ARHGEF10L: variants seen among roughly 807,000 people sequenced by gnomAD.
The protein encoded by ARHGEF10L is Rho guanine nucleotide exchange factor 10 like.
A neutral mutation model predicts 141.2 loss-of-function variants in ARHGEF10L; 69 were observed. That is an observed-to-expected ratio of 0.49 (90% confidence interval 0.40 to 0.60). The LOEUF (loss-of-function observed/expected upper bound fraction) is 0.60, where lower values mean the gene tolerates loss of function less well. Among genes scored for constraint, ARHGEF10L ranks in the 20% least tolerant of loss-of-function variants. ARHGEF10L has a pLI of 0.00. For synonymous variants in ARHGEF10L, 711 were observed against 718.5 expected (o/e 0.99, Z 0.17); for missense variants, 1,482 against 1,734.3 (o/e 0.85, Z 2.58).
intron 13 of ARHGEF10L, among the ~76,000 whole-genome samples, chr1:17,624,869 A>T (rs2060296696): frequency 3.9e-5 from 6 of 152,114 alleles, no homozygotes. Flanking sequence ...CCTCATTTAT[A>T]AAAGGGTGAG....
intron 1 of ARHGEF10L, among the ~76,000 whole-genome samples, chr1:17,574,021 A>C (rs2078119291): frequency 6.6e-6 from 1 of 152,106 alleles, no homozygotes; most frequent in African/African-American, 2.4e-5. Context: ...TTGAGTGTCC[A>C]TCAGGTCGGT....
rs58498931 is a variant in ARHGEF10L at position 17,551,512 on chromosome 1, A to T, written c.-44+11562A>T. 4.9e-3 allele frequency among the ~76,000 whole-genome samples: 751 copies of T among 152,230 alleles called. 9 individuals carry two copies. The highest frequency in any genetic ancestry group is 0.017 in the African/African-American group (716 of 41,546). On this transcript the variant is annotated intron_variant, in intron 1 of 28. Transcript: ENST00000361221. Reference sequence around the variant, plus strand: ...AGGGTGCTGCTCAGGAGCTCTGTCCATTGTACTAGGGGCTTGTACTTTATC... The same window carrying T: ...AGGGTGCTGCTCAGGAGCTCTGTCCTTTGTACTAGGGGCTTGTACTTTATC...
At chr1:17,622,034 A>T in intron 11 of ARHGEF10L, 93 bp downstream of exon 11, 1 of 1,330,544 alleles carries the variant, frequency 7.5e-7, no homozygotes, top group Non-Finnish European at 1.1e-6. Context: ...GACTGTGGGC[A>T]GTTTTAAGGG....
At chr1:17,629,816 C>T (rs994502803) in intron 15 of ARHGEF10L, among the ~76,000 whole-genome samples, 2 of 152,362 alleles carry the variant, frequency 1.3e-5, no homozygotes, top group Admixed American at 1.3e-4. Flanking sequence ...CTCTCCCCAC[C>T]TTCGGCTCCC....
At chr1:17,583,468 C>A (rs536540694) in intron 2 of ARHGEF10L, among the ~76,000 whole-genome samples, 1 of 152,132 alleles carries the variant, frequency 6.6e-6, no homozygotes, top group East Asian at 1.9e-4. Context: ...TTGGTGAGCA[C>A]GCACCCTGCA....
intron 25 of ARHGEF10L, among the ~76,000 whole-genome samples, chr1:17,657,035 G>A (rs963192009): frequency 3.9e-5 from 6 of 152,138 alleles, no homozygotes; most frequent in Admixed American, 3.3e-4. Flanking sequence ...CCCTTGTTGC[G>A]TGGCCTCCCT....
At chr1:17,665,462 G>A (rs2062915834) in intron 26 of ARHGEF10L, among the ~76,000 whole-genome samples, 1 of 152,134 alleles carries the variant, frequency 6.6e-6, no homozygotes, top group South Asian at 2.1e-4. Context: ...GGGCCTTATG[G>A]ATGAGCTCTG....
At chr1:17,637,770 C>A (rs539904744) in intron 18 of ARHGEF10L, 118 bp from the exon 19 acceptor site, 53 of 838,552 alleles carry the variant, frequency 6.3e-5, no homozygotes, top group Non-Finnish European at 8.7e-5. Flanking sequence ...TCCCAAAGTG[C>A]TGGGATTACA....
At position 17,656,041 on chromosome 1, in the gene ARHGEF10L, A is replaced by G; in HGVS notation, c.2644A>G (p.Thr882Ala). 1 of 1,569,706 alleles carries G rather than the reference A, an allele frequency of 6.4e-7. No individual in the cohort carries two copies. Among genetic ancestry groups the G allele is most frequent in the Non-Finnish European group, 8.6e-7 (1 of 1,156,856 alleles). ...GGCGGAGAGCAGAGACGAGAGCCCG[A>G]CAGTTGCTGACCCCTCGGCCACGGT... ...EEAESRDESP[T>A]VADPSATVHP... Residue 882 changes from threonine to alanine, a missense_variant, in exon 24 of 29, where the codon ACA becomes GCA. Coordinates refer to ENST00000361221, the MANE Select transcript of ARHGEF10L (RefSeq NM_018125.4). This position sits in a 1 kb window ranked among gnomAD's most constrained non-coding sequence, Gnocchi z 4.9.
Position 17,623,070 on chromosome 1 carries a change from C to T in ARHGEF10L, c.1095C>T (p.Arg365=), listed in dbSNP as rs745373575. 2.2e-5 allele frequency: 35 copies of T among 1,614,032 alleles called. No individual in the cohort carries two copies. Among genetic ancestry groups the T allele is most frequent in the Non-Finnish European group, 2.7e-5 (32 of 1,180,018 alleles). Residue 365 remains arginine (R), a synonymous_variant, in exon 12 of 29, where the codon CGC becomes CGT. Transcript: ENST00000361221. The surrounding 1 kb of genome is among the most constrained non-coding windows in gnomAD (Gnocchi z 4.7). ...SARKCQVVFF[R]VKEILHCHSM... is the part of the protein sequence containing the mutation. Reference sequence around the variant, plus strand: ...GCAAGTGCCAGGTGGTGTTCTTCCGCGTGAAGGAGATCCTGCACTGCCACT... The same window carrying T: ...GCAAGTGCCAGGTGGTGTTCTTCCGTGTGAAGGAGATCCTGCACTGCCACT...
intron 26 of ARHGEF10L, among the ~76,000 whole-genome samples, chr1:17,679,240 C>T (rs1431497435): frequency 2.0e-5 from 3 of 152,194 alleles, no homozygotes; most frequent in Non-Finnish European, 1.5e-5. Flanking sequence ...CTGGTCGTTG[C>T]ACCCGGAGCC....
In ARHGEF10L at chr1:17,619,539, C is replaced by A; in HGVS notation, c.942+94C>A. On this transcript the variant is annotated intron_variant, in intron 10 of 28. Coordinates refer to ENST00000361221, the MANE Select transcript of ARHGEF10L (RefSeq NM_018125.4). The surrounding 1 kb of genome is among the most constrained non-coding windows in gnomAD (Gnocchi z 5.0). ...TCTGGGGCCACGCTTGTCTGGATCT[C>A]ACAGGGGATATGATGACTGGGGGCT... 9.8e-7 allele frequency: 1 copy of A among 1,019,332 alleles called. No individual in the cohort carries two copies. The highest frequency in any genetic ancestry group is 1.7e-5 in the South Asian group (1 of 60,046). The allele number at this position is 1,019,332 out of a possible 1,614,324, so 63.1% of individuals were successfully genotyped here.
At chr1:17,626,081 C>T (rs1200624203) in intron 14 of ARHGEF10L, 33 bp downstream of exon 14, 4 of 1,602,394 alleles carry the variant, frequency 2.5e-6, no homozygotes, top group Admixed American at 3.3e-5. Flanking sequence ...CTTCAACCCA[C>T]AGGGTTTGCC....
chr1:17,603,773 G>A lies in ARHGEF10L; in HGVS notation c.433+182G>A, dbSNP rs1472981398. 6.6e-6 allele frequency among the ~76,000 whole-genome samples: 1 copy of A among 152,236 alleles called. No individual in the cohort carries two copies. The highest frequency in any genetic ancestry group is 2.4e-5 in the African/African-American group (1 of 41,464). The stretch of plus-strand genomic sequence containing the variant: ...GGAGATGGCTGAGGGCGTGGCCACC[G>A]GGGCCGGGCAGGGCTTGGGCATCAT... On this transcript the variant is annotated intron_variant, in intron 6 of 28. Transcript: ENST00000361221. The surrounding 1 kb of genome is among the most constrained non-coding windows in gnomAD (Gnocchi z 4.8).
chr1:17,643,335 G>A (rs2061423259), intron 21 of ARHGEF10L, among the ~76,000 whole-genome samples: 1 of 152,132 alleles, frequency 6.6e-6, no homozygotes, highest in East Asian at 1.9e-4. Flanking sequence ...GGGAGCCTGC[G>A]ATCTGGGAGA....
rs1305845220 is a variant in ARHGEF10L, at chr1:17,630,227, C to T, written c.1585-2094C>T. On this transcript the variant is annotated intron_variant, in intron 15 of 28. Transcript: ENST00000361221. ...AAACGAAACTGGGTGTAACCCGAAA[C>T]GGAACCATGCCAGCTGTTTCAAAAT... 2.0e-5 allele frequency among the ~76,000 whole-genome samples: 3 copies of T among 152,376 alleles called. No homozygotes were observed. The East Asian group carries it at 5.8e-4, about 29-fold the overall frequency.
intron 1 of ARHGEF10L, among the ~76,000 whole-genome samples, chr1:17,541,321 G>A (rs2076720419): frequency 6.6e-6 from 1 of 152,204 alleles, no homozygotes; most frequent in Admixed American, 6.5e-5. Flanking sequence ...GGGGCGGGGG[G>A]CTTTTTTCAG....
intron 27 of ARHGEF10L, among the ~76,000 whole-genome samples, chr1:17,693,859 A>G (rs1203764093): frequency 6.6e-6 from 1 of 152,180 alleles, no homozygotes; most frequent in Non-Finnish European, 1.5e-5. Flanking sequence ...TCAGGGCAAG[A>G]AGGAGACAGC....
At chr1:17,669,337 G>C (rs7531258) in intron 26 of ARHGEF10L, among the ~76,000 whole-genome samples, 4 of 152,240 alleles carry the variant, frequency 2.6e-5, no homozygotes, top group Middle Eastern at 3.4e-3. Context: ...TCCCACCCTC[G>C]GGAAGTAAAC....
Sources: allele counts gnomAD v4.1 joint callset (sites outside exome capture counted in the v4.1 genomes callset), GRCh38; gene constraint gnomAD v4.1.1; non-coding constraint Gnocchi (gnomAD v3.1); transcripts MANE v1.5; gene names NCBI Gene and HGNC (gene_info 2026-07-23, HGNC 2026-07-21).